Variants in ANXA11 observed in about 807,000 individuals in gnomAD.
ANXA11 encodes the protein annexin A11, also known as 56 kDa autoantigen.
In ANXA11, 57 loss-of-function variants were observed where a neutral mutation model predicts 64.7. That is an observed-to-expected ratio of 0.88 (90% CI 0.71 to 1.10). The LOEUF (loss-of-function observed/expected upper bound fraction) is 1.10. ANXA11 is among the 50% of genes least tolerant of loss of function. The probability of loss-of-function intolerance (pLI) is 0.00; values close to 1 mark genes in which losing one functional copy is unlikely to be tolerated. For missense variants in ANXA11, 675 were observed against 670.7 expected, an observed-to-expected ratio of 1.01 and a Z score of -0.07; for synonymous variants, 260 against 265.2, an observed-to-expected ratio of 0.98 and a Z score of 0.19.
At position 80,170,926 on chromosome 10, in the gene ANXA11, C is replaced by T; in HGVS notation, c.56-11G>A. On this transcript the variant is annotated splice_polypyrimidine_tract_variant and intron_variant, in intron 3 of 15. Coordinates refer to ENST00000422982, the MANE Select transcript of ANXA11 (RefSeq NM_145868.2). Reference sequence around the variant, plus strand: ...CCCAGGGACCACCACCTGAAAGCAACACCAAGCCCTTTAGCCCCCTGCCAG... The same window carrying T: ...CCCAGGGACCACCACCTGAAAGCAATACCAAGCCCTTTAGCCCCCTGCCAG... 6.3e-7 allele frequency: 1 copy of T among 1,587,972 alleles called. No homozygotes were observed.
intron 3 of ANXA11, chr10:80,171,739 G>A: frequency 2.0e-6 from 2 of 985,526 alleles, no homozygotes; most frequent in Non-Finnish European, 1.2e-6. Context: ...AGACCCTCCA[G>A]GAAGAACCTT....
chr10:80,168,396 G>T (rs1845832391), intron 5 of ANXA11, among the ~76,000 whole-genome samples: 1 of 152,160 alleles, frequency 6.6e-6, no homozygotes. Context: ...CTCGCCAGGG[G>T]TGTTCTGACC....
At chr10:80,172,966 G>A in intron 2 of ANXA11, 97 bp from the exon 3 acceptor site, 2 of 1,040,836 alleles carry the variant, frequency 1.9e-6, no homozygotes, top group Non-Finnish European at 1.5e-6. Context: ...CACCACAACT[G>A]GGACCCTGCA....
At chr10:80,162,157 C>A in intron 11 of ANXA11, 129 bp from the exon 12 acceptor site, 1 of 702,882 alleles carries the variant, frequency 1.4e-6, no homozygotes, top group Non-Finnish European at 2.4e-6. Flanking sequence ...AACCTCTGAA[C>A]TAGATGGCCT....
At chr10:80,189,689 G>T (rs1012793956) in intron 1 of ANXA11, among the ~76,000 whole-genome samples, 6 of 152,216 alleles carry the variant, frequency 3.9e-5, no homozygotes, top group Non-Finnish European at 7.3e-5. Context: ...GCTTCAATGA[G>T]CACTTCCTTT....
At chr10:80,166,332 G>A in intron 7 of ANXA11, 135 bp from the exon 8 acceptor site, 1 of 601,478 alleles carries the variant, frequency 1.7e-6, no homozygotes, top group South Asian at 2.0e-5. Context: ...GGGCCTGAGA[G>A]AAAAGCCTGC....
chr10:80,203,134 G>A (rs150158949), intron 1 of ANXA11, among the ~76,000 whole-genome samples: 1 of 151,538 alleles, frequency 6.6e-6, no homozygotes, highest in Non-Finnish European at 1.5e-5. Context: ...CAGGACCTCT[G>A]ATGTTCCAGC....
intron 1 of ANXA11, among the ~76,000 whole-genome samples, chr10:80,186,325 C>G (rs566321647): frequency 3.9e-5 from 6 of 151,982 alleles, no homozygotes; most frequent in African/African-American, 1.4e-4. Context: ...AAACACGGAA[C>G]TGGGGAGGGT....
At chr10:80,205,732 C>T (rs995309072), upstream of ANXA11, among the ~76,000 whole-genome samples, 1 of 152,176 alleles carries the variant, frequency 6.6e-6, no homozygotes, top group East Asian at 1.9e-4. Context: ...CGCCCAGTGC[C>T]GCGCAGAGCC....
chr10:80,164,061 T>C lies in ANXA11; in HGVS notation c.941A>G (p.Tyr314Cys), dbSNP rs758861889. The stretch of plus-strand genomic sequence containing the variant: ...AGAGGGAGCGGCCTCACCTGCTTTG[T>C]AGGCTCTGTTTAATTCTCGGATGTG... ...NEHIRELNRA[Y>C]KAEFKKTLEE... The change falls in exon 9 of 16, where the codon TAC becomes TGC. Residue 314 changes from tyrosine to cysteine, a missense_variant. By Grantham distance (194) the Tyr-to-Cys change is radical. Coordinates refer to ENST00000422982, the MANE Select transcript of ANXA11 (RefSeq NM_145868.2). 3.1e-6 allele frequency: 5 copies of C among 1,613,858 alleles called. No homozygotes were observed. The highest frequency in any genetic ancestry group is 4.2e-6 in the Non-Finnish European group (5 of 1,179,898).
At position 80,154,673 on chromosome 10, in the gene ANXA11, AC is replaced by A. The variant is rs780657556; in HGVS notation, c.*1179del. 2.0e-5 allele frequency: 3 copies of A among 152,258 alleles called. No homozygotes were observed. The highest frequency in any genetic ancestry group is 1.5e-5 in the Non-Finnish European group (1 of 68,102). 9.4% of individuals were successfully genotyped at this position (152,258 alleles called of 1,614,324 possible). On this transcript the variant is annotated 3_prime_UTR_variant, in exon 16 of 16. Coordinates refer to ENST00000422982, the MANE Select transcript of ANXA11 (RefSeq NM_145868.2). ...TGGATTCTCTTCCCTCACACCACCA[AC>A]CAACGGGCACAGGGTCCCCAGAGAC...
Position 80,166,081 on chromosome 10 carries a change from C to A in ANXA11, c.858+3G>T. On this transcript the variant is annotated splice_donor_region_variant and intron_variant, in intron 8 of 15. Transcript: ENST00000422982. ...ACACACACACACACACACACGTACA[C>A]ACCTTGATGGCTTCCTTTATCTCAT... 6.5e-7 allele frequency: 1 copy of A among 1,536,840 alleles called. No individual in the cohort carries two copies. Among genetic ancestry groups the A allele is most frequent in the Admixed American group, 1.7e-5 (1 of 59,390 alleles).
rs190529223 is a variant in ANXA11, at chr10:80,170,091, A to G, written c.171+709T>C. Among the ~76,000 whole-genome samples, 334 of 152,284 alleles carry G rather than the reference A, an allele frequency of 2.2e-3. 6 individuals are homozygous for G. Among genetic ancestry groups the G allele is most frequent in the Non-Finnish European group, 3.5e-4 (24 of 68,028 alleles). On this transcript the variant is annotated intron_variant, in intron 4 of 15. Transcript: ENST00000422982. The stretch of plus-strand genomic sequence containing the variant: ...ACTCCTGACCCCTTTACCCTGGTCA[A>G]CTTGTTCCTATGGCACCTACACTTT...
chr10:80,168,873 C>T, intron 5 of ANXA11, 96 bp downstream of exon 5: 1 of 1,316,532 alleles, frequency 7.6e-7, no homozygotes, highest in East Asian at 2.8e-5. Context: ...CAGCTGGAGG[C>T]CTGCGCCTTT....
At chr10:80,162,332 G>A (rs992679777) in intron 11 of ANXA11, among the ~76,000 whole-genome samples, 14 of 152,206 alleles carry the variant, frequency 9.2e-5, no homozygotes, top group African/African-American at 2.9e-4. Flanking sequence ...CAAAACTCTC[G>A]CTGGAGCAAA....
intron 5 of ANXA11, among the ~76,000 whole-genome samples, chr10:80,167,941 C>A (rs1363380193): frequency 6.6e-6 from 1 of 152,120 alleles, no homozygotes; most frequent in East Asian, 1.9e-4. Flanking sequence ...CTGGTACAAA[C>A]TGGTTATAAC....
At chr10:80,180,274 G>A (rs1220721406) in intron 1 of ANXA11, among the ~76,000 whole-genome samples, 2 of 152,206 alleles carry the variant, frequency 1.3e-5, no homozygotes, top group Admixed American at 1.3e-4. Flanking sequence ...AACAATTGGA[G>A]GTGGAGATAT....
At chr10:80,186,106 T>G (rs957926804) in intron 1 of ANXA11, among the ~76,000 whole-genome samples, 1 of 152,232 alleles carries the variant, frequency 6.6e-6, no homozygotes, top group Non-Finnish European at 1.5e-5. Context: ...CTTGACAGTT[T>G]ACGAGACCTT....
At chr10:80,170,603 A>G (rs888927916) in intron 4 of ANXA11, among the ~76,000 whole-genome samples, 197 bp downstream of exon 4, 6 of 152,214 alleles carry the variant, frequency 3.9e-5, no homozygotes, top group African/African-American at 1.4e-4. Flanking sequence ...CAGATGGGAA[A>G]AGTGAGACCC....
Sources: gnomAD v4.1 joint callset for allele counts (sites outside exome capture counted in the v4.1 genomes callset) on GRCh38, gnomAD v4.1.1 for gene constraint, MANE v1.5 for transcripts, NCBI Gene and HGNC (gene_info 2026-07-23, HGNC 2026-07-21) for gene names.